The following MARCHF1 variants were observed in gnomAD, a reference collection of about 807,000 sequenced individuals.
MARCHF1 encodes E3 ubiquitin-protein ligase MARCHF1.
Under a neutral mutation model 54.2 loss-of-function variants are expected in MARCHF1, and 40 were observed. That is an observed-to-expected ratio of 0.74 (90% confidence interval 0.57 to 0.96). MARCHF1 has a LOEUF of 0.96. Ranked by LOEUF, MARCHF1 falls within the 40% of genes least tolerant of loss-of-function variation. The probability of loss-of-function intolerance (pLI) is 0.00; values close to 1 mark genes in which losing one functional copy is unlikely to be tolerated. For synonymous variants in MARCHF1, 236 were observed against 236.3 expected (o/e 1.00, Z 0.01); for missense variants, 586 against 656.5 (o/e 0.89, Z 1.17).
Position 163,633,467 on chromosome 4 carries a change from G to A in MARCHF1, c.163-20074C>T, listed in dbSNP as rs549032735. ...AAAGAATGCAGAAGCCTCAGGAGCCGATGCGATCAACTGCAAGGAAAGGTA... is the reference window on the plus strand; with the variant it reads ...AAAGAATGCAGAAGCCTCAGGAGCCAATGCGATCAACTGCAAGGAAAGGTA... On this transcript the variant is annotated intron_variant, in intron 5 of 9. Transcript: ENST00000514618. Among the ~76,000 whole-genome samples the A allele has an allele frequency of 9.4e-3, 1,430 of 152,300 alleles. 18 individuals carry two copies. Among genetic ancestry groups the A allele is most frequent in the African/African-American group, 0.029 (1,191 of 41,560 alleles).
chr4:164,164,809 C>A (rs549825457), intron 1 of MARCHF1, among the ~76,000 whole-genome samples: 1 of 151,958 alleles, frequency 6.6e-6, no homozygotes, highest in South Asian at 2.1e-4. Flanking sequence ...AAGTTATTAG[C>A]CTCATGTATA....
intron 1 of MARCHF1, among the ~76,000 whole-genome samples, chr4:164,229,860 G>T (rs1732369002): frequency 6.6e-6 from 1 of 152,136 alleles, no homozygotes; most frequent in African/African-American, 2.4e-5. Context: ...ACAGCACCAA[G>T]GTGATGATGC....
intron 5 of MARCHF1, among the ~76,000 whole-genome samples, chr4:163,698,447 T>C (rs1744702298): frequency 6.6e-6 from 1 of 152,238 alleles, no homozygotes; most frequent in Non-Finnish European, 1.5e-5. Flanking sequence ...TTTAAATAGG[T>C]AAACTCATGT....
At chr4:163,559,756 A>C (rs1047262915) in intron 8 of MARCHF1, among the ~76,000 whole-genome samples, 1 of 152,230 alleles carries the variant, frequency 6.6e-6, no homozygotes, top group Non-Finnish European at 1.5e-5. Context: ...TGCCAAGCAG[A>C]GGAGTGTCCC....
At chr4:163,722,686 G>C (rs1223498956) in intron 4 of MARCHF1, among the ~76,000 whole-genome samples, 2 of 152,090 alleles carry the variant, frequency 1.3e-5, no homozygotes, top group Non-Finnish European at 2.9e-5. Flanking sequence ...GATCTCTAAG[G>C]ACTTGCTTTA....
chr4:163,876,784 A>C (rs1479286850), intron 3 of MARCHF1, among the ~76,000 whole-genome samples: 1 of 152,152 alleles, frequency 6.6e-6, no homozygotes, highest in Non-Finnish European at 1.5e-5. Flanking sequence ...ATGATTTTCT[A>C]CAATCTTGCA....
chr4:164,099,559 G>A (rs932399669), intron 2 of MARCHF1, among the ~76,000 whole-genome samples: 1 of 151,994 alleles, frequency 6.6e-6, no homozygotes, highest in Non-Finnish European at 1.5e-5. Context: ...GATTACCTAA[G>A]GCATATTAGA....
At chr4:163,775,779 A>C (rs868807489) in intron 4 of MARCHF1, among the ~76,000 whole-genome samples, 18 of 152,130 alleles carry the variant, frequency 1.2e-4, no homozygotes, top group Admixed American at 9.2e-4. Context: ...AGTTGAGTGG[A>C]TATAAAAAAA....
intron 3 of MARCHF1, among the ~76,000 whole-genome samples, chr4:163,898,416 A>C (rs1354650576): frequency 6.6e-6 from 1 of 152,216 alleles, no homozygotes; most frequent in African/African-American, 2.4e-5. Context: ...TGAGTAGTCA[A>C]CAAGCCCATG....
At chr4:164,339,972 A>C (rs1392313153) in intron 1 of MARCHF1, among the ~76,000 whole-genome samples, 1 of 152,154 alleles carries the variant, frequency 6.6e-6, no homozygotes, top group Non-Finnish European at 1.5e-5. Context: ...GAAATGGATA[A>C]CTTCCTAGAT....
intron 1 of MARCHF1, among the ~76,000 whole-genome samples, chr4:164,320,867 G>T (rs968770626): frequency 6.6e-6 from 1 of 152,164 alleles, no homozygotes; most frequent in African/African-American, 2.4e-5. Flanking sequence ...CTGCTCCGCT[G>T]TTCCCAGCTA....
intron 3 of MARCHF1, among the ~76,000 whole-genome samples, chr4:163,899,587 C>T (rs1750892639): frequency 1.3e-5 from 2 of 152,126 alleles, no homozygotes; most frequent in Admixed American, 6.6e-5. Context: ...TATCAACAGT[C>T]TCATTGCTTT....
intron 2 of MARCHF1, among the ~76,000 whole-genome samples, chr4:164,047,654 C>A (rs1199586796): frequency 6.6e-6 from 1 of 152,028 alleles, no homozygotes; most frequent in Non-Finnish European, 1.5e-5. Flanking sequence ...GTTCTTTCAC[C>A]ACTATAAGTT....
At chr4:163,876,105 A>G (rs555529899) in intron 3 of MARCHF1, among the ~76,000 whole-genome samples, 29 of 152,280 alleles carry the variant, frequency 1.9e-4, no homozygotes, top group African/African-American at 6.0e-4. Context: ...ATCATGACAA[A>G]CCCTAGACAG....
chr4:163,893,565 G>A (rs566888225), intron 3 of MARCHF1, among the ~76,000 whole-genome samples: 20 of 152,202 alleles, frequency 1.3e-4, no homozygotes, highest in Middle Eastern at 3.4e-3. Flanking sequence ...TTTCTGACAC[G>A]TAAAGTATAC....
intron 5 of MARCHF1, among the ~76,000 whole-genome samples, chr4:163,687,161 A>G (rs1460844538): frequency 6.6e-6 from 1 of 152,136 alleles, no homozygotes; most frequent in Non-Finnish European, 1.5e-5. Context: ...TAAATATGGA[A>G]CTGTGATCAT....
At chr4:163,889,919 CT>C (rs146357456) in intron 3 of MARCHF1, among the ~76,000 whole-genome samples, 62,260 of 117,158 alleles carry the variant, frequency 0.53, 15,737 homozygotes, top group Non-Finnish European at 0.57. Flanking sequence ...TATTTATTTT[CT>C]TTTTTCTTTT....
At chr4:163,855,214 TA>T (rs1489972266) in intron 3 of MARCHF1, among the ~76,000 whole-genome samples, 2 of 152,226 alleles carry the variant, frequency 1.3e-5, no homozygotes, top group South Asian at 4.1e-4. Context: ...ACGAAAGTGA[TA>T]AAAAAGATCT....
chr4:164,089,449 CAAAG>C (rs986783525), intron 2 of MARCHF1, among the ~76,000 whole-genome samples: 1 of 151,940 alleles, frequency 6.6e-6, no homozygotes, highest in African/African-American at 2.4e-5. Context: ...GAAACAAAAA[CAAAG>C]GAACACAAGA....
Sources: allele counts gnomAD v4.1 joint callset (sites outside exome capture counted in the v4.1 genomes callset), GRCh38; gene constraint gnomAD v4.1.1; transcripts MANE v1.5; gene names NCBI Gene and HGNC (gene_info 2026-07-23, HGNC 2026-07-21).